Variants in SLC35F4 observed in about 807,000 individuals in gnomAD.
SLC35F4 encodes the protein chromosome 14 open reading frame 36.
A neutral mutation model predicts 44.2 loss-of-function variants in SLC35F4; 24 were observed. The ratio of observed to expected loss-of-function variants is 0.54; its 90% CI spans 0.39 to 0.76. SLC35F4 has a LOEUF of 0.76. Ranked by LOEUF, SLC35F4 falls within the 30% of genes least tolerant of loss-of-function variation. The pLI, the probability that SLC35F4 is intolerant of heterozygous loss-of-function variation, is 0.00. For missense variants in SLC35F4, 562 were observed against 586.1 expected (o/e 0.96, Z 0.42); for synonymous variants, 238 against 223.6 (o/e 1.06, Z -0.57).
intron 1 of SLC35F4, among the ~76,000 whole-genome samples, chr14:57,765,127 A>C (rs533657200): frequency 6.6e-6 from 1 of 152,366 alleles, no homozygotes; most frequent in Admixed American, 6.5e-5. Context: ...AATGGAGCAC[A>C]CAACTTACTT....
chr14:57,875,921 G>A (rs1888391732), intron 1 of SLC35F4, among the ~76,000 whole-genome samples: 1 of 152,182 alleles, frequency 6.6e-6, no homozygotes, highest in Non-Finnish European at 1.5e-5. Flanking sequence ...CCTTTCTGCA[G>A]AATGTGTCTT....
chr14:57,970,751 C>T (rs1360949787), intron 1 of SLC35F4, among the ~76,000 whole-genome samples: 1 of 152,122 alleles, frequency 6.6e-6, no homozygotes, highest in Non-Finnish European at 1.5e-5. Context: ...GCTCTGGGCT[C>T]TGCAGCATCC....
At chr14:57,971,251 A>T (rs1232112039) in intron 1 of SLC35F4, among the ~76,000 whole-genome samples, 13 of 152,232 alleles carry the variant, frequency 8.5e-5, no homozygotes. Flanking sequence ...TAATAAGATA[A>T]ACTGCAATCC....
Position 57,819,544 on chromosome 14 carries a change from G to A in SLC35F4, c.103+46179C>T, listed in dbSNP as rs570568150. On this transcript the variant is annotated intron_variant, in intron 1 of 7. Coordinates refer to ENST00000556826, the MANE Select transcript of SLC35F4 (RefSeq NM_001306087.2). ...AAATAGGCTGGGCACAGTGGCTCAC[G>A]CCTGTAATCCCAGCACTTTGGGGGA... Among the ~76,000 whole-genome samples, 20 of 152,024 alleles carry A rather than the reference G, an allele frequency of 1.3e-4. No individual in the cohort carries two copies. The East Asian group carries it at 2.5e-3, about 19-fold the overall frequency.
intron 1 of SLC35F4, among the ~76,000 whole-genome samples, chr14:57,748,950 G>A (rs1191936148): frequency 6.6e-6 from 1 of 151,990 alleles, no homozygotes; most frequent in Non-Finnish European, 1.5e-5. Flanking sequence ...ACAAACACAA[G>A]GTATTTCACC....
Position 57,680,920 on chromosome 14 carries a change from A to T in SLC35F4, c.104-86796T>A, listed in dbSNP as rs112435072. Among the ~76,000 whole-genome samples, 141 of 152,268 alleles carry T rather than the reference A, an allele frequency of 9.3e-4. 1 individual carries two copies. Among genetic ancestry groups the T allele is most frequent in the African/African-American group, 3.1e-3 (128 of 41,506 alleles). On this transcript the variant is annotated intron_variant, in intron 1 of 7. Transcript: ENST00000556826. ...CCATGCTCACAGATAGGAAGAATAA[A>T]TATCATCAAAATGGCCATACTGCCC...
At chr14:57,803,409 G>A (rs759345492) in intron 1 of SLC35F4, among the ~76,000 whole-genome samples, 6 of 151,966 alleles carry the variant, frequency 3.9e-5, no homozygotes, top group South Asian at 2.1e-4. Flanking sequence ...CAAGGATGCC[G>A]TCTCTCACCA....
chr14:57,713,451 C>A (rs558371238), intron 1 of SLC35F4, among the ~76,000 whole-genome samples: 2 of 152,228 alleles, frequency 1.3e-5, no homozygotes, highest in South Asian at 4.1e-4. Flanking sequence ...AGTTTAAGTA[C>A]CAGCCATGAC....
rs111763674 is a variant in SLC35F4 at position 57,665,274 on chromosome 14, C to A, written c.104-71150G>T. ...CTTACCCAGACTCCGCCCATCCTCC[C>A]TGAGGCCTGGGTGACATGCACCACA... On this transcript the variant is annotated intron_variant, in intron 1 of 7. Transcript: ENST00000556826. Among the ~76,000 whole-genome samples the A allele has an allele frequency of 7.5e-3, 1,136 of 152,252 alleles. 16 individuals are homozygous for A. The highest frequency in any genetic ancestry group is 0.026 in the African/African-American group (1,077 of 41,548).
At chr14:57,787,114 A>G (rs2077783503) in intron 1 of SLC35F4, among the ~76,000 whole-genome samples, 1 of 152,216 alleles carries the variant, frequency 6.6e-6, no homozygotes, top group African/African-American at 2.4e-5. Context: ...GAAATGTGAA[A>G]TGCTCTGGAA....
intron 1 of SLC35F4, among the ~76,000 whole-genome samples, chr14:57,861,021 T>C (rs1219156995): frequency 6.6e-6 from 1 of 152,220 alleles, no homozygotes. Flanking sequence ...ACTGTGTTAA[T>C]GAATGAGCCA....
intron 1 of SLC35F4, among the ~76,000 whole-genome samples, chr14:57,936,587 A>G (rs75338099): frequency 6.6e-6 from 1 of 152,352 alleles, no homozygotes; most frequent in Non-Finnish European, 1.5e-5. Context: ...TCTATGTGCT[A>G]TTGGCATCTA....
intron 1 of SLC35F4, among the ~76,000 whole-genome samples, chr14:57,917,138 G>A (rs1245255017): frequency 6.6e-6 from 1 of 152,094 alleles, no homozygotes; most frequent in Non-Finnish European, 1.5e-5. Context: ...TCAGCTCACT[G>A]CAACCTCCAC....
At chr14:57,936,354 C>T (rs1394409098) in intron 1 of SLC35F4, among the ~76,000 whole-genome samples, 5 of 152,196 alleles carry the variant, frequency 3.3e-5, no homozygotes, top group African/African-American at 1.2e-4. Flanking sequence ...ACCTCCAAGT[C>T]AATTTCTAAA....
intron 1 of SLC35F4, among the ~76,000 whole-genome samples, chr14:57,666,205 C>A (rs940127777): frequency 6.6e-6 from 1 of 152,206 alleles, no homozygotes; most frequent in Non-Finnish European, 1.5e-5. Flanking sequence ...TAAACAATTT[C>A]CTCAGCATCA....
At chr14:57,796,051 G>C (rs2078047349) in intron 1 of SLC35F4, among the ~76,000 whole-genome samples, 1 of 152,098 alleles carries the variant, frequency 6.6e-6, no homozygotes, top group Non-Finnish European at 1.5e-5. Flanking sequence ...TGCAGTGTTT[G>C]GTTTTCTGTT....
chr14:57,711,796 T>C (rs2140404437), intron 1 of SLC35F4, among the ~76,000 whole-genome samples: 1 of 152,348 alleles, frequency 6.6e-6, no homozygotes, highest in Non-Finnish European at 1.5e-5. Flanking sequence ...CATGCAGCAC[T>C]ACTGTAAGAT....
chr14:57,745,561 G>A (rs927394848), intron 1 of SLC35F4, among the ~76,000 whole-genome samples: 161 of 152,206 alleles, frequency 1.1e-3, no homozygotes, highest in African/African-American at 2.7e-3. Context: ...TTAGAATGGC[G>A]ATCATTAAAA....
chr14:57,800,586 T>A (rs932076952), intron 1 of SLC35F4, among the ~76,000 whole-genome samples: 1 of 152,148 alleles, frequency 6.6e-6, no homozygotes, highest in African/African-American at 2.4e-5. Flanking sequence ...AAGGGGCATG[T>A]TGTATCCCAA....
Sources: allele counts gnomAD v4.1 joint callset (sites outside exome capture counted in the v4.1 genomes callset), GRCh38; gene constraint gnomAD v4.1.1; transcripts MANE v1.5; gene names NCBI Gene and HGNC (gene_info 2026-07-23, HGNC 2026-07-21).